The following MAP3K6 variants were observed in gnomAD, a reference collection of about 807,000 sequenced individuals.
The protein encoded by MAP3K6 is mitogen-activated protein kinase kinase kinase 6.
A neutral mutation model predicts 147.1 loss-of-function variants in MAP3K6; 105 were observed. The observed-to-expected ratio is 0.71, with a 90% CI of 0.61 to 0.84. The LOEUF (loss-of-function observed/expected upper bound fraction) is 0.84. MAP3K6 is among the 40% of genes least tolerant of loss of function. MAP3K6 has a pLI of 0.00. For synonymous variants in MAP3K6, 695 were observed against 732.4 expected, an observed-to-expected ratio of 0.95 and a Z score of 0.82; for missense variants, 1,569 against 1,715.0, an observed-to-expected ratio of 0.91 and a Z score of 1.50.
At position 27,362,984 on chromosome 1, in the gene MAP3K6, C is replaced by G. The variant is rs1429629778; in HGVS notation, c.1009G>C (p.Val337Leu). ...TCAAGCTGTACCAGCGGCAGCAGCACAGACAGGGCCTTCGCCCGGTCCCCA... is the reference window on the plus strand; with the variant it reads ...TCAAGCTGTACCAGCGGCAGCAGCAGAGACAGGGCCTTCGCCCGGTCCCCA... ...RPGDRAKALSVLLPLVQLEGS... is the reference protein window; with the variant it reads ...RPGDRAKALSLLLPLVQLEGS... Residue 337 changes from valine to leucine, a missense_variant, in exon 7 of 29, where the codon GTG becomes CTG. Val to Leu is a conservative substitution (Grantham distance 32). Coordinates refer to ENST00000357582, the MANE Select transcript of MAP3K6 (RefSeq NM_004672.5). 1.9e-6 allele frequency: 3 copies of G among 1,614,008 alleles called. No homozygotes were observed. The Admixed American group carries it at 5.0e-5, about 27-fold the overall frequency.
Position 27,358,366 on chromosome 1 carries a change from A to C in MAP3K6, c.2777-47T>G, listed in dbSNP as rs1318785338. On this transcript the variant is annotated intron_variant, in intron 20 of 28. Coordinates refer to ENST00000357582, the MANE Select transcript of MAP3K6 (RefSeq NM_004672.5). This position sits in a 1 kb window ranked among gnomAD's most constrained non-coding sequence, Gnocchi z 6.2. ...CAGCTGGGCTCTCCTCCACCCTCAC[A>C]GCTCCACAACTCCTCTGCCCTCCAC... is the stretch of plus-strand genomic sequence containing the variant. 2.5e-6 allele frequency: 4 copies of C among 1,590,468 alleles called. No individual in the cohort carries two copies. The East Asian group carries it at 8.9e-5, about 36-fold the overall frequency.
chr1:27,363,609 C>A, intron 5 of MAP3K6, 61 bp from the exon 6 acceptor site: 1 of 1,355,826 alleles, frequency 7.4e-7, no homozygotes, highest in Admixed American at 2.3e-5. Flanking sequence ...GAACCTTGAG[C>A]CAGGGTCCTG....
chr1:27,357,234 AGGG>A (rs2015562309), intron 23 of MAP3K6, 120 bp from the exon 24 acceptor site: 9 of 1,268,220 alleles, frequency 7.1e-6, no homozygotes, highest in Middle Eastern at 3.9e-4. Context: ...CTTGAGGTCC[AGGG>A]AAGGCCTGGG....
chr1:27,363,501 G>A lies in MAP3K6; in HGVS notation c.912C>T (p.Pro304=). ...IELVETLQAL[P]TCDVAEQHNV... ...TATGCTGCTCGGCCACATCACAGGTGGGCAAGGCCTGCAGCGTCTCCACCA... is the reference window on the plus strand; with the variant it reads ...TATGCTGCTCGGCCACATCACAGGTAGGCAAGGCCTGCAGCGTCTCCACCA... Residue 304 remains proline (P), a synonymous_variant, in exon 6 of 29, where the codon CCC becomes CCT. Transcript: ENST00000357582. 2 of 1,613,748 alleles carry A rather than the reference G, an allele frequency of 1.2e-6. No homozygotes were observed. The highest frequency in any genetic ancestry group is 1.7e-6 in the Non-Finnish European group (2 of 1,179,854).
At position 27,356,516 on chromosome 1, in the gene MAP3K6, GAGT is replaced by G; in HGVS notation, c.3525-19_3525-17del. On this transcript the variant is annotated splice_polypyrimidine_tract_variant and intron_variant, in intron 25 of 28. Coordinates refer to ENST00000357582, the MANE Select transcript of MAP3K6 (RefSeq NM_004672.5). Reference sequence around the variant, plus strand: ...TTCGCGCAGCCTGTGGGGCGCAGAAGAGTAGAATGGAGCGGTGAGTGGTGAGTG... The same window carrying G: ...TTCGCGCAGCCTGTGGGGCGCAGAAGAGAATGGAGCGGTGAGTGGTGAGTG... The G allele has an allele frequency of 1.9e-6, 3 of 1,612,736 alleles. No individual in the cohort carries two copies. The highest frequency in any genetic ancestry group is 2.5e-6 in the Non-Finnish European group (3 of 1,179,378).
At chr1:27,362,547 C>A (rs1571074010) in intron 8 of MAP3K6, 94 bp downstream of exon 8, 4 of 1,000,360 alleles carry the variant, frequency 4.0e-6, no homozygotes, top group Non-Finnish European at 5.9e-6. Flanking sequence ...TGAGCTCATC[C>A]TAGCTCTTGC....
chr1:27,363,230 A>G (rs1311094799), intron 6 of MAP3K6, among the ~76,000 whole-genome samples: 2 of 152,144 alleles, frequency 1.3e-5, no homozygotes, highest in Admixed American at 1.3e-4. Flanking sequence ...GTGATCTTGG[A>G]CAGCGGTGAC....
rs373247407 is a variant in MAP3K6, at chr1:27,363,157, G to T, written c.972-136C>A. 2.4e-5 allele frequency: 19 copies of T among 783,346 alleles called. No individual in the cohort carries two copies. The African/African-American group carries it at 3.0e-4, about 12-fold the overall frequency. The allele number at this position is 783,346 out of a possible 1,614,324, so 48.5% of individuals were successfully genotyped here. A position where few individuals can be genotyped will look rare whatever the true frequency, so the allele number is the denominator to read the frequency against. ...CTCAAAATGATAATGACCCTGGCCA[G>T]CACTGACCTCTCTAGTGACCTCAGA... is the stretch of plus-strand genomic sequence containing the variant. On this transcript the variant is annotated intron_variant, in intron 6 of 28. Transcript: ENST00000357582.
chr1:27,363,520 T>C lies in MAP3K6; in HGVS notation c.893A>G (p.Glu298Gly). 6.2e-7 allele frequency: 1 copy of C among 1,612,784 alleles called. No individual in the cohort carries two copies. Among genetic ancestry groups the C allele is most frequent in the Non-Finnish European group, 8.5e-7 (1 of 1,179,292 alleles). ...QDYSAIIELV[E>G]TLQALPTCDV... ...ACAGGTGGGCAAGGCCTGCAGCGTCTCCACCAGCTCAATGATGGCCGAGTA... is the reference window on the plus strand; with the variant it reads ...ACAGGTGGGCAAGGCCTGCAGCGTCCCCACCAGCTCAATGATGGCCGAGTA... The change falls in exon 6 of 29, where the codon GAG becomes GGG. Residue 298 changes from glutamate to glycine, a missense_variant. Transcript: ENST00000357582.
chr1:27,364,273 G>A lies in MAP3K6; in HGVS notation c.626C>T (p.Thr209Ile), dbSNP rs748974772. 1 of 1,613,746 alleles carries A rather than the reference G, an allele frequency of 6.2e-7. No individual in the cohort carries two copies. The highest frequency in any genetic ancestry group is 8.5e-7 in the Non-Finnish European group (1 of 1,180,032). ...CACCAGGGGAGTGAGCAGGGCCTCG[G>A]TCCCCACTCCAGCCTGTACCAGCCC... is the stretch of plus-strand genomic sequence containing the variant. ...ADGLVQAGVG[T>I]EALLTPLVGR... Residue 209 changes from threonine to isoleucine, a missense_variant, in exon 4 of 29, where the codon ACC (threonine) becomes ATC (isoleucine). Thr to Ile is a moderately conservative substitution (Grantham distance 89, BLOSUM62 -1). Transcript: ENST00000357582. The surrounding 1 kb of genome is among the most constrained non-coding windows in gnomAD (Gnocchi z 4.4).
At position 27,364,294 on chromosome 1, in the gene MAP3K6, A is replaced by G; in HGVS notation, c.605T>C (p.Leu202Pro). 1 of 1,613,946 alleles carries G rather than the reference A, an allele frequency of 6.2e-7. No individual in the cohort carries two copies. Among genetic ancestry groups the G allele is most frequent in the Non-Finnish European group, 8.5e-7 (1 of 1,180,028 alleles). Residue 202 changes from leucine to proline, a missense_variant, in exon 4 of 29, where the codon CTG becomes CCG. Leu to Pro is a moderately conservative substitution (Grantham distance 98). Coordinates refer to ENST00000357582, the MANE Select transcript of MAP3K6 (RefSeq NM_004672.5). This position sits in a 1 kb window ranked among gnomAD's most constrained non-coding sequence, Gnocchi z 4.4. ...CTCGGTCCCCACTCCAGCCTGTACC[A>G]GCCCATCAGCCAGGCCCCGCAGAAG... The part of the protein sequence containing the change: ...AGLLRGLADG[L>P]VQAGVGTEAL...
chr1:27,366,706 G>GAATC lies in MAP3K6; in HGVS notation c.-113_-110dup, dbSNP rs1450335591. 2 of 835,328 alleles carry GAATC rather than the reference G, an allele frequency of 2.4e-6. No individual in the cohort carries two copies. The highest frequency in any genetic ancestry group is 3.7e-5 in the African/African-American group (2 of 54,452). The allele number at this position is 835,328 out of a possible 1,614,324, so 51.7% of individuals were successfully genotyped here. ...GATCTGGAATCCGTTCGGAATCGGA[G>GAATC]AATCTCCCACGGGATCTAGGGATCC... On this transcript the variant is annotated 5_prime_UTR_variant, in exon 1 of 29. Transcript: ENST00000357582. The surrounding 1 kb of genome is among the most constrained non-coding windows in gnomAD (Gnocchi z 5.5).
rs200110225 is a variant in MAP3K6 at position 27,357,847 on chromosome 1, G to C, written c.2945C>G (p.Pro982Arg). Reference sequence around the variant, plus strand: ...CCCCGAACTCTCCTCCGGAGACGCAGGCTCCTCGGCCGCAGGCTCCTCGGG... The same window carrying C: ...CCCCGAACTCTCCTCCGGAGACGCACGCTCCTCGGCCGCAGGCTCCTCGGG... ...RVPEEPAAEE[P>R]ASPEESSGLS... The change falls in exon 22 of 29, where the codon CCT becomes CGT. Residue 982 changes from proline to arginine, a missense_variant. Pro to Arg is a moderately radical substitution (Grantham distance 103). Coordinates refer to ENST00000357582, the MANE Select transcript of MAP3K6 (RefSeq NM_004672.5). The C allele has an allele frequency of 2.8e-4, 452 of 1,596,816 alleles. No individual in the cohort carries two copies. Among genetic ancestry groups the C allele is most frequent in the Non-Finnish European group, 3.5e-4 (408 of 1,175,408 alleles).
Position 27,363,927 on chromosome 1 carries a change from C to A in MAP3K6, c.854G>T (p.Arg285Leu). The change falls in exon 5 of 29, where the codon CGC (arginine) becomes CTC (leucine). Residue 285 changes from arginine to leucine, a missense_variant. Physicochemically the swap from Arg to Leu is moderately radical, Grantham distance 102 (BLOSUM62 -2). Coordinates refer to ENST00000357582, the MANE Select transcript of MAP3K6 (RefSeq NM_004672.5). ...CTGAACACCACGCACCTGCACATCG[C>A]GGTAGGAGAGCAGCAAGTTCATGAT... ...DIIMNLLLSY[R>L]DVQDYSAIIE... is the part of the protein sequence containing the mutation. 6.3e-7 allele frequency: 1 copy of A among 1,595,936 alleles called. No homozygotes were observed.
Position 27,358,157 on chromosome 1 carries a change from C to A in MAP3K6, c.2915+24G>T. On this transcript the variant is annotated intron_variant, in intron 21 of 28. Transcript: ENST00000357582. This position sits in a 1 kb window ranked among gnomAD's most constrained non-coding sequence, Gnocchi z 6.2. ...AAAGGCAAAACCAGGCAAAAGGAACCCATCCCAGGAGCCTTGGTCTCACCG... is the reference window on the plus strand; with the variant it reads ...AAAGGCAAAACCAGGCAAAAGGAACACATCCCAGGAGCCTTGGTCTCACCG... The A allele has an allele frequency of 3.9e-6, 6 of 1,554,812 alleles. No homozygotes were observed. The highest frequency in any genetic ancestry group is 5.2e-6 in the Non-Finnish European group (6 of 1,155,170).
In MAP3K6 at chr1:27,361,105, C is replaced by A. The variant is rs2015745659; in HGVS notation, c.1832+52G>T. ...CGTCGTCCCTTTCTTTCCCCCACTC[C>A]CCCCCGGGCATCCTGGCCCTCAGAG... On this transcript the variant is annotated intron_variant, in intron 13 of 28. Coordinates refer to ENST00000357582, the MANE Select transcript of MAP3K6 (RefSeq NM_004672.5). 7 of 1,547,642 alleles carry A rather than the reference C, an allele frequency of 4.5e-6. No homozygotes were observed. The Admixed American group carries it at 6.0e-5, about 13-fold the overall frequency.
At chr1:27,362,566 C>G in intron 8 of MAP3K6, 75 bp downstream of exon 8, 3 of 1,161,532 alleles carry the variant, frequency 2.6e-6, no homozygotes, top group Non-Finnish European at 3.7e-6. Context: ...GCCCAGTGTG[C>G]TCTCTCCCTG....
chr1:27,360,692 C>T lies in MAP3K6; in HGVS notation c.2054+13G>A. 1 of 1,608,098 alleles carries T rather than the reference C, an allele frequency of 6.2e-7. No individual in the cohort carries two copies. The highest frequency in any genetic ancestry group is 8.5e-7 in the Non-Finnish European group (1 of 1,177,930). On this transcript the variant is annotated intron_variant, in intron 15 of 28. Coordinates refer to ENST00000357582, the MANE Select transcript of MAP3K6 (RefSeq NM_004672.5). This position sits in a 1 kb window ranked among gnomAD's most constrained non-coding sequence, Gnocchi z 4.5. ...CGAGCCCTCAGCCCCACCCGCGCTG[C>T]CACGCACCGCACCTGCTGTCCCGCT...
At chr1:27,362,489 A>G (rs1247980011) in intron 8 of MAP3K6, 152 bp downstream of exon 8, 2 of 722,272 alleles carry the variant, frequency 2.8e-6, no homozygotes, top group Non-Finnish European at 2.3e-6. Flanking sequence ...GGCCCAGAAC[A>G]GGTATGAGGA....
Sources: allele counts gnomAD v4.1 joint callset (sites outside exome capture counted in the v4.1 genomes callset), GRCh38; gene constraint gnomAD v4.1.1; non-coding constraint Gnocchi (gnomAD v3.1); transcripts MANE v1.5; gene names NCBI Gene and HGNC (gene_info 2026-07-23, HGNC 2026-07-21).